The following CFAP107 variants were observed in gnomAD, a reference collection of about 807,000 sequenced individuals.
The protein encoded by CFAP107 is cilia- and flagella-associated protein 107.
the CFAP107 span, among the ~76,000 whole-genome samples, chr1:12,758,051 G>A: frequency 4.3e-4 from 65 of 152,046 alleles, 1 homozygote; most frequent in Non-Finnish European, 6.9e-4. Context: ...CTTGTCCACC[G>A]TGCCTCGCCC....
the CFAP107 span, chr1:12,759,678 G>A: frequency 1.4e-6 from 1 of 694,190 alleles, no homozygotes; most frequent in Non-Finnish European, 2.5e-6. Context: ...TTTGACCTGG[G>A]GTAATCTTGG....
At chr1:12,755,864 T>C in the CFAP107 span, 1 of 1,292,426 alleles carries the variant, frequency 7.7e-7, no homozygotes, top group African/African-American at 1.5e-5. Flanking sequence ...CACCCAAAGC[T>C]CAGGGGACAC....
the CFAP107 span, among the ~76,000 whole-genome samples, chr1:12,760,088 G>A: frequency 6.6e-6 from 1 of 152,016 alleles, no homozygotes; most frequent in African/African-American, 2.4e-5. Flanking sequence ...TTGGGAAGAA[G>A]GGAGCCATAC....
the CFAP107 span, among the ~76,000 whole-genome samples, chr1:12,758,443 A>G: frequency 1.3e-5 from 2 of 152,182 alleles, no homozygotes; most frequent in South Asian, 2.1e-4. Flanking sequence ...GTACCTGGTG[A>G]TGTGGATCTT....
the CFAP107 span, among the ~76,000 whole-genome samples, chr1:12,747,030 C>T: frequency 6.6e-6 from 1 of 151,452 alleles, no homozygotes; most frequent in African/African-American, 2.4e-5. Context: ...CTCTCTGGCA[C>T]CTTTCCACAA....
chr1:12,757,357 C>G, the CFAP107 span, among the ~76,000 whole-genome samples: 1 of 117,708 alleles, frequency 8.5e-6, no homozygotes, highest in Non-Finnish European at 1.8e-5. Context: ...CTTTTCTTTT[C>G]TTTCTTTTTC....
the CFAP107 span, among the ~76,000 whole-genome samples, chr1:12,754,323 G>A: frequency 6.6e-6 from 1 of 152,174 alleles, no homozygotes; most frequent in African/African-American, 2.4e-5. Context: ...ATTACAATGA[G>A]ATACCACTTC....
At chr1:12,747,467 G>T in the CFAP107 span, among the ~76,000 whole-genome samples, 770 of 152,318 alleles carry the variant, frequency 5.1e-3, 9 homozygotes, top group African/African-American at 0.018. Flanking sequence ...AAAGTTTCAA[G>T]TTGGCATACT....
At chr1:12,754,635 C>T in the CFAP107 span, among the ~76,000 whole-genome samples, 331 of 152,252 alleles carry the variant, frequency 2.2e-3, 3 homozygotes, top group African/African-American at 7.6e-3. Context: ...AATGGATAAA[C>T]AAAACATGGT....
the CFAP107 span, among the ~76,000 whole-genome samples, chr1:12,755,259 G>A: frequency 1.3e-5 from 2 of 152,180 alleles, no homozygotes; most frequent in African/African-American, 4.8e-5. Flanking sequence ...ACAAAAATTA[G>A]CTGGGCATGG....
At chr1:12,746,412 C>G in the CFAP107 span, 1 of 1,600,130 alleles carries the variant, frequency 6.2e-7, no homozygotes, top group Non-Finnish European at 8.6e-7. Context: ...GTCAAAGAAA[C>G]CTGGGGCAAA....
At chr1:12,746,687 G>T in the CFAP107 span, 1 of 618,564 alleles carries the variant, frequency 1.6e-6, no homozygotes, top group African/African-American at 1.8e-5. Context: ...CTCTACAAAG[G>T]ATAGTTACAT....
chr1:12,760,883 G>A, the CFAP107 span: 36 of 1,613,984 alleles, frequency 2.2e-5, no homozygotes, highest in African/African-American at 1.3e-4. Flanking sequence ...ACCGTTGTGC[G>A]CTATGTCCTG....
the CFAP107 span, among the ~76,000 whole-genome samples, chr1:12,749,755 A>G: frequency 3.9e-5 from 6 of 152,220 alleles, no homozygotes; most frequent in Non-Finnish European, 5.9e-5. Flanking sequence ...ATTCCACAAA[A>G]TTGTCTCTTG....
the CFAP107 span, chr1:12,755,963 C>T: frequency 8.2e-6 from 5 of 607,902 alleles, no homozygotes; most frequent in African/African-American, 9.3e-5. Context: ...CTGCAGATAG[C>T]ACTAACCAAT....
the CFAP107 span, among the ~76,000 whole-genome samples, chr1:12,755,126 G>A: frequency 1.2e-4 from 18 of 152,160 alleles, no homozygotes; most frequent in African/African-American, 4.3e-4. Flanking sequence ...GAAAGGGAGG[G>A]CCGGGCACAG....
chr1:12,762,957 T>C, the CFAP107 span: 2 of 152,434 alleles, frequency 1.3e-5, no homozygotes, highest in Non-Finnish European at 2.9e-5. Flanking sequence ...GAGGCCTATA[T>C]GGGCGGATCA....
the CFAP107 span, among the ~76,000 whole-genome samples, chr1:12,750,244 G>A: frequency 6.6e-6 from 1 of 152,004 alleles, no homozygotes; most frequent in African/African-American, 2.4e-5. Context: ...ATTCACAAAA[G>A]AAAATAATAA....
the CFAP107 span, among the ~76,000 whole-genome samples, chr1:12,749,812 G>A: frequency 1.3e-5 from 2 of 152,112 alleles, no homozygotes; most frequent in African/African-American, 4.8e-5. Flanking sequence ...AAAAGCTGAG[G>A]GTGTTTATTG....
Sources: gnomAD v4.1 joint callset for allele counts (sites outside exome capture counted in the v4.1 genomes callset) on GRCh38, gnomAD v4.1.1 for gene constraint, MANE v1.5 for transcripts, NCBI Gene and HGNC (gene_info 2026-07-23, HGNC 2026-07-21) for gene names.